The following NKAIN3 variants were observed in gnomAD, a reference collection of about 807,000 sequenced individuals.
NKAIN3 encodes the protein sodium/potassium-transporting ATPase subunit beta-1-interacting protein 3.
Under a neutral mutation model 30.2 loss-of-function variants are expected in NKAIN3, and 25 were observed. That is an observed-to-expected ratio of 0.83 (90% CI 0.60 to 1.16). NKAIN3 has a LOEUF of 1.16. NKAIN3 is among the 50% of genes most tolerant of loss of function. NKAIN3 has a pLI of 0.00. For synonymous variants in NKAIN3, 91 were observed against 89.6 expected (o/e 1.02, Z -0.09); for missense variants, 225 against 254.1 (o/e 0.89, Z 0.78).
At chr8:62,603,391 AT>A (rs1811037755) in intron 3 of NKAIN3, among the ~76,000 whole-genome samples, 2 of 152,178 alleles carry the variant, frequency 1.3e-5, no homozygotes, top group Non-Finnish European at 2.9e-5. Flanking sequence ...TGAGATTATG[AT>A]TGATGAGTAT....
chr8:62,618,483 T>A (rs1019290376), intron 3 of NKAIN3, among the ~76,000 whole-genome samples: 4 of 151,906 alleles, frequency 2.6e-5, no homozygotes. Flanking sequence ...ACTGCTGTAG[T>A]CCCTCATGAT....
intron 1 of NKAIN3, among the ~76,000 whole-genome samples, chr8:62,516,370 G>A (rs1426246685): frequency 6.6e-6 from 1 of 152,022 alleles, no homozygotes; most frequent in African/African-American, 2.4e-5. Context: ...CTGTCATGTA[G>A]TATTTTCTGA....
chr8:62,458,643 G>C (rs1312986005), intron 1 of NKAIN3, among the ~76,000 whole-genome samples: 1 of 152,182 alleles, frequency 6.6e-6, no homozygotes, highest in Non-Finnish European at 1.5e-5. Flanking sequence ...TCAAATGAAA[G>C]GTCTTTCTCA....
chr8:62,297,898 C>T (rs532532478), intron 1 of NKAIN3, among the ~76,000 whole-genome samples: 8 of 152,092 alleles, frequency 5.3e-5, no homozygotes, highest in Non-Finnish European at 1.0e-4. Context: ...GCTCTATTCA[C>T]AATAGCAAAG....
At chr8:62,891,234 G>C (rs1047988526) in intron 4 of NKAIN3, among the ~76,000 whole-genome samples, 1 of 152,162 alleles carries the variant, frequency 6.6e-6, no homozygotes, top group African/African-American at 2.4e-5. Flanking sequence ...GACAGAAAAA[G>C]GTGGGAGAAA....
At chr8:62,263,370 G>A (rs926707188) in intron 1 of NKAIN3, among the ~76,000 whole-genome samples, 2 of 152,140 alleles carry the variant, frequency 1.3e-5, no homozygotes, top group Non-Finnish European at 2.9e-5. Context: ...AATCTGGAAT[G>A]TACATTTGGA....
intron 1 of NKAIN3, among the ~76,000 whole-genome samples, chr8:62,504,787 C>T (rs191681290): frequency 6.6e-6 from 1 of 152,148 alleles, no homozygotes; most frequent in Non-Finnish European, 1.5e-5. Context: ...ATCTCCCTTA[C>T]AGTGTTATAA....
chr8:62,696,430 T>G lies in NKAIN3; in HGVS notation c.274-50502T>G, dbSNP rs561863287. On this transcript the variant is annotated intron_variant, in intron 3 of 6. Coordinates refer to ENST00000623646, the MANE Select transcript of NKAIN3 (RefSeq NM_001304533.3). ...AGTTAAAATCCTAGTAAGGATTGGA[T>G]TAATTCTCCATTTCTAATGAGAAGA... Among the ~76,000 whole-genome samples, 10 of 152,278 alleles carry G rather than the reference T, an allele frequency of 6.6e-5. No individual in the cohort carries two copies. The East Asian group carries it at 1.9e-3, about 29-fold the overall frequency.
intron 4 of NKAIN3, among the ~76,000 whole-genome samples, chr8:62,872,268 T>C (rs560860956): frequency 1.3e-5 from 2 of 152,350 alleles, no homozygotes; most frequent in East Asian, 3.9e-4. Flanking sequence ...TGTTAAGCAA[T>C]GCATGACTAG....
chr8:62,364,844 A>AAAAAAAAAAAAAAAC (rs1816686125), intron 1 of NKAIN3, among the ~76,000 whole-genome samples: 1 of 151,052 alleles, frequency 6.6e-6, no homozygotes, highest in Non-Finnish European at 1.5e-5. Flanking sequence ...AAAAAAAAAA[A>AAAAAAAAAAAAAAAC]AAAAAAATCA....
chr8:62,265,513 AT>A (rs1812575734), intron 1 of NKAIN3, among the ~76,000 whole-genome samples: 1 of 152,220 alleles, frequency 6.6e-6, no homozygotes, highest in Non-Finnish European at 1.5e-5. Flanking sequence ...GGTACATGGC[AT>A]TGGCAAAACA....
At chr8:62,922,237 C>G (rs551080366) in intron 5 of NKAIN3, among the ~76,000 whole-genome samples, 1 of 152,266 alleles carries the variant, frequency 6.6e-6, no homozygotes, top group African/African-American at 2.4e-5. Context: ...TTTCATCGCT[C>G]TACTGTCCTG....
At position 62,741,362 on chromosome 8, in the gene NKAIN3, A is replaced by AGAAGGACG. The variant is rs1429910797; in HGVS notation, c.274-5564_274-5563insCGGAAGGA. 2.7e-3 allele frequency among the ~76,000 whole-genome samples: 370 copies of AGAAGGACG among 138,022 alleles called. 4 individuals carry two copies. The highest frequency in any genetic ancestry group is 3.9e-3 in the South Asian group (16 of 4,128). The allele number at this position is 138,022 out of a possible 152,430, so 90.5% of individuals were successfully genotyped here. A position where few individuals can be genotyped will look rare whatever the true frequency, so the allele number is the denominator to read the frequency against. The stretch of plus-strand genomic sequence containing the variant: ...AGTGAGAGAGAAGAAAGAGAGAGAA[A>AGAAGGACG]GAAGGAAGGAAGGAAGGAAGGAAGG... On this transcript the variant is annotated intron_variant, in intron 3 of 6. Transcript: ENST00000623646.
At chr8:62,987,223 C>G (rs565535457), downstream of NKAIN3, among the ~76,000 whole-genome samples, 3 of 151,172 alleles carry the variant, frequency 2.0e-5, no homozygotes, top group Non-Finnish European at 4.4e-5. Flanking sequence ...CACGTATCTA[C>G]TAAAAATACA....
chr8:62,948,874 T>A (rs1374139931), intron 5 of NKAIN3, among the ~76,000 whole-genome samples: 1 of 152,180 alleles, frequency 6.6e-6, no homozygotes, highest in East Asian at 1.9e-4. Flanking sequence ...AGCTTTTAGC[T>A]CAGCAGAATC....
chr8:62,431,249 T>A (rs1804987649), intron 1 of NKAIN3, among the ~76,000 whole-genome samples: 1 of 151,912 alleles, frequency 6.6e-6, no homozygotes, highest in African/African-American at 2.4e-5. Context: ...GTAGATGTTC[T>A]AAAATTATAA....
At chr8:62,552,967 G>C (rs911349827) in intron 1 of NKAIN3, among the ~76,000 whole-genome samples, 1 of 152,146 alleles carries the variant, frequency 6.6e-6, no homozygotes, top group African/African-American at 2.4e-5. Context: ...AAGAAAAACA[G>C]ATGGTGGTAG....
chr8:62,255,828 C>T (rs1436701725), intron 1 of NKAIN3, among the ~76,000 whole-genome samples: 1 of 152,124 alleles, frequency 6.6e-6, no homozygotes, highest in African/African-American at 2.4e-5. Context: ...ATCAGAATCA[C>T]CCGGGGGAGC....
intron 1 of NKAIN3, among the ~76,000 whole-genome samples, chr8:62,474,578 C>A (rs1806454517): frequency 6.6e-6 from 1 of 152,074 alleles, no homozygotes; most frequent in Admixed American, 6.5e-5. Flanking sequence ...ATTTAAGAAA[C>A]AATGACAGCA....
Sources: gnomAD v4.1 joint callset for allele counts (sites outside exome capture counted in the v4.1 genomes callset) on GRCh38, gnomAD v4.1.1 for gene constraint, MANE v1.5 for transcripts, NCBI Gene and HGNC (gene_info 2026-07-23, HGNC 2026-07-21) for gene names.